The following CDKAL1 variants were observed in gnomAD, a reference collection of about 807,000 sequenced individuals.
The protein encoded by CDKAL1 is threonylcarbamoyladenosine tRNA methylthiotransferase.
CDKAL1 carries 32 observed loss-of-function variants against 68.2 expected under a neutral mutation model. The observed-to-expected ratio is 0.47, with a 90% CI of 0.35 to 0.63. CDKAL1 has a LOEUF of 0.63. Ranked by LOEUF, CDKAL1 falls within the 30% of genes least tolerant of loss-of-function variation. The pLI is 0.00. For synonymous variants in CDKAL1, 234 were observed against 244.3 expected (o/e 0.96, Z 0.39); for missense variants, 606 against 696.7 (o/e 0.87, Z 1.47).
At chr6:21,023,655 T>C (rs1323030399) in intron 11 of CDKAL1, among the ~76,000 whole-genome samples, 1 of 152,196 alleles carries the variant, frequency 6.6e-6, no homozygotes, top group Admixed American at 6.5e-5. Context: ...CTAATGACTA[T>C]TTTGTCTTCT....
At chr6:20,809,771 A>G (rs968002685) in intron 8 of CDKAL1, among the ~76,000 whole-genome samples, 1 of 152,224 alleles carries the variant, frequency 6.6e-6, no homozygotes. Context: ...AGAGTGTATC[A>G]AGTGACAGAA....
At position 20,539,205 on chromosome 6, in the gene CDKAL1, G is replaced by T. The variant is rs1252470572; in HGVS notation, c.-6+3811G>T. 6.6e-6 allele frequency among the ~76,000 whole-genome samples: 1 copy of T among 152,060 alleles called. No individual in the cohort carries two copies. The highest frequency in any genetic ancestry group is 1.5e-5 in the Non-Finnish European group (1 of 68,014). ...TGGCAGAGGAATAGCAATTATGAAG[G>T]CTCCCGAGTCAGAAACTAATTTGGC... On this transcript the variant is annotated intron_variant, in intron 2 of 15. Coordinates refer to ENST00000274695, the MANE Select transcript of CDKAL1 (RefSeq NM_017774.3). This position sits in a 1 kb window ranked among gnomAD's most constrained non-coding sequence, Gnocchi z 4.3.
intron 13 of CDKAL1, among the ~76,000 whole-genome samples, chr6:21,149,499 A>G (rs1211293204): frequency 6.6e-6 from 1 of 152,204 alleles, no homozygotes; most frequent in Non-Finnish European, 1.5e-5. Flanking sequence ...TCAGTGATAG[A>G]CAATGGAAAT....
At chr6:20,631,855 G>A (rs1753042447) in intron 4 of CDKAL1, among the ~76,000 whole-genome samples, 1 of 152,140 alleles carries the variant, frequency 6.6e-6, no homozygotes, top group Non-Finnish European at 1.5e-5. Flanking sequence ...ACTCGTGCCT[G>A]GAAGCATCTA....
chr6:21,003,485 G>T (rs1767565942), intron 11 of CDKAL1, among the ~76,000 whole-genome samples: 1 of 150,176 alleles, frequency 6.7e-6, no homozygotes, highest in South Asian at 2.1e-4. Flanking sequence ...AGAATCACTT[G>T]AACTCGGGAG....
intron 9 of CDKAL1, among the ~76,000 whole-genome samples, chr6:20,928,520 T>C (rs56883837): frequency 0.23 from 35,227 of 151,858 alleles, 4,226 homozygotes; most frequent in East Asian, 0.28. Context: ...AGGGGATCTC[T>C]AATCCCAAAA....
At chr6:21,035,135 A>G (rs1337651188) in intron 11 of CDKAL1, among the ~76,000 whole-genome samples, 2 of 152,120 alleles carry the variant, frequency 1.3e-5, no homozygotes, top group Non-Finnish European at 2.9e-5. Flanking sequence ...GAGGTTCAAT[A>G]TAGATTTTAT....
intron 13 of CDKAL1, among the ~76,000 whole-genome samples, chr6:21,171,127 C>T (rs1358516894): frequency 6.6e-6 from 1 of 152,130 alleles, no homozygotes; most frequent in Non-Finnish European, 1.5e-5. Context: ...ACACAGGTTT[C>T]ACCATTATGA....
At chr6:20,638,057 T>G (rs1767985450) in intron 4 of CDKAL1, among the ~76,000 whole-genome samples, 1 of 152,208 alleles carries the variant, frequency 6.6e-6, no homozygotes, top group African/African-American at 2.4e-5. Context: ...GGCTAACTTC[T>G]TAAAAGGTGA....
At chr6:20,650,253 A>T (rs1768693684) in intron 5 of CDKAL1, among the ~76,000 whole-genome samples, 1 of 152,184 alleles carries the variant, frequency 6.6e-6, no homozygotes, top group African/African-American at 2.4e-5. Flanking sequence ...AATAATCGCC[A>T]TTCTGACTGG....
At chr6:21,146,671 A>T (rs1776183535) in intron 13 of CDKAL1, among the ~76,000 whole-genome samples, 1 of 152,010 alleles carries the variant, frequency 6.6e-6, no homozygotes, top group African/African-American at 2.4e-5. Flanking sequence ...TAACATGGTG[A>T]AACCCCATCT....
At chr6:21,004,571 AAT>A (rs1235522982) in intron 11 of CDKAL1, among the ~76,000 whole-genome samples, 1 of 152,208 alleles carries the variant, frequency 6.6e-6, no homozygotes, top group African/African-American at 2.4e-5. Context: ...TTTTTATCTA[AAT>A]GGATAAGATG....
intron 5 of CDKAL1, among the ~76,000 whole-genome samples, chr6:20,694,448 G>A (rs1028953396): frequency 6.6e-6 from 1 of 152,134 alleles, no homozygotes; most frequent in East Asian, 1.9e-4. Context: ...CTGTGCATCA[G>A]GATGTCATTT....
chr6:20,780,097 CT>C (rs1194527439), intron 7 of CDKAL1, among the ~76,000 whole-genome samples: 1 of 132,714 alleles, frequency 7.5e-6, no homozygotes, highest in Non-Finnish European at 1.6e-5. Flanking sequence ...AAAACCTAAC[CT>C]TAAAAAAAAA....
rs1016344790 is a variant in CDKAL1, at chr6:21,140,097, A to T, written c.1299+31634A>T. ...GATCAAGGAGGAGGAATATAGAGGA[A>T]TTCACTTAATTGCTAAATGTTCCCA... On this transcript the variant is annotated intron_variant, in intron 13 of 15. Transcript: ENST00000274695. Among the ~76,000 whole-genome samples the T allele has an allele frequency of 3.3e-5, 5 of 152,210 alleles. No individual in the cohort carries two copies. In the South Asian group the frequency reaches 1.0e-3, roughly 32 times the overall value.
chr6:20,596,962 T>A (rs1474594354), intron 4 of CDKAL1, among the ~76,000 whole-genome samples: 1 of 152,108 alleles, frequency 6.6e-6, no homozygotes, highest in African/African-American at 2.4e-5. Flanking sequence ...TTGCCCCCCA[T>A]GGGCTGCCCC....
chr6:21,143,244 C>G, intron 13 of CDKAL1, among the ~76,000 whole-genome samples: 1 of 152,168 alleles, frequency 6.6e-6, no homozygotes, highest in East Asian at 1.9e-4. Context: ...TCAGTATACC[C>G]TAAATTAGGA....
At chr6:21,000,501 A>G (rs1767372034) in intron 11 of CDKAL1, 129 bp downstream of exon 11, 1 of 755,596 alleles carries the variant, frequency 1.3e-6, no homozygotes, top group Non-Finnish European at 2.1e-6. Flanking sequence ...AAGCTTTCAA[A>G]GCCTTTAAGT....
rs951077690 is a variant in CDKAL1, at chr6:20,699,721, T to G, written c.372-39798T>G. 5.9e-5 allele frequency among the ~76,000 whole-genome samples: 9 copies of G among 152,278 alleles called. No individual in the cohort carries two copies. The East Asian group carries it at 1.4e-3, about 23-fold the overall frequency. On this transcript the variant is annotated intron_variant, in intron 5 of 15. Transcript: ENST00000274695. ...GCTCGTCAAGCCGGAGCTCTCAATCTCTGCATGGCAGAATCAGCTGTAGCG... is the reference window on the plus strand; with the variant it reads ...GCTCGTCAAGCCGGAGCTCTCAATCGCTGCATGGCAGAATCAGCTGTAGCG...
Sources: gnomAD v4.1 joint callset for allele counts (sites outside exome capture counted in the v4.1 genomes callset) on GRCh38, gnomAD v4.1.1 for gene constraint, Gnocchi (gnomAD v3.1) non-coding constraint, MANE v1.5 for transcripts, NCBI Gene and HGNC (gene_info 2026-07-23, HGNC 2026-07-21) for gene names.